Variants in KLF8 observed in about 807,000 individuals in gnomAD.
KLF8 encodes the protein Krueppel-like factor 8.
In KLF8, 10 loss-of-function variants were observed where a neutral mutation model predicts 18.2. That is an observed-to-expected ratio of 0.55 (90% CI 0.34 to 0.93). The LOEUF (loss-of-function observed/expected upper bound fraction) is 0.93. Among genes scored for constraint, KLF8 ranks in the 40% least tolerant of loss-of-function variants. The pLI is 0.02. For missense variants in KLF8, 264 were observed against 277.9 expected (o/e 0.95, Z 0.36); for synonymous variants, 109 against 97.3 (o/e 1.12, Z -0.71).
Position 56,270,237 on chromosome X carries a change from CG to C in KLF8, c.816del (p.Ile273PhefsTer19). 8.4e-7 allele frequency: 1 copy of C among 1,194,752 alleles called. No homozygotes were observed. The highest frequency in any genetic ancestry group is 1.1e-6 in the Non-Finnish European group (1 of 884,925). The stretch of plus-strand genomic sequence containing the variant: ...AGAGTCGCTTGACTTGAAGAGAAGA[CG>C]GATTCACCAATGTGACTTTGCAGGA... ...GEESLDLKRR[R>X]IHQCDFAGCS... On this transcript the variant is annotated frameshift_variant, in exon 5 of 6. Transcript: ENST00000468660. LOFTEE classifies it high-confidence loss of function.
the KLF8 span, among the ~76,000 whole-genome samples, chrX:56,161,639 C>G: frequency 9.0e-6 from 1 of 111,655 alleles, no homozygotes; most frequent in Non-Finnish European, 1.9e-5. Flanking sequence ...AAGCACTTCT[C>G]TGCATTGGTT....
the KLF8 span, among the ~76,000 whole-genome samples, chrX:56,103,678 C>G: frequency 9.0e-6 from 1 of 111,629 alleles, no homozygotes; most frequent in African/African-American, 3.3e-5. Context: ...TTGACTTCCT[C>G]TTTCCCTAAT....
the KLF8 span, among the ~76,000 whole-genome samples, chrX:56,123,766 A>G: frequency 1.4e-4 from 16 of 112,104 alleles, no homozygotes; most frequent in Admixed American, 1.9e-4. Context: ...TTATTTTTCC[A>G]GGGCATTAAT....
At chrX:56,162,727 G>A in the KLF8 span, among the ~76,000 whole-genome samples, 11 of 111,468 alleles carry the variant, frequency 9.9e-5, no homozygotes, top group African/African-American at 3.6e-4. Context: ...TGGGTGAGGT[G>A]ATGCCTCGCC....
chrX:55,939,618 T>A, the KLF8 span, among the ~76,000 whole-genome samples: 3 of 110,745 alleles, frequency 2.7e-5, no homozygotes, highest in African/African-American at 9.9e-5. Flanking sequence ...ACAAAATGGA[T>A]AGACCACTAG....
chrX:56,076,492 AG>A, the KLF8 span, among the ~76,000 whole-genome samples: 24 of 111,335 alleles, frequency 2.2e-4, no homozygotes, highest in Non-Finnish European at 4.1e-4. Flanking sequence ...ATGACTGCAT[AG>A]TATTCCATGG....
the KLF8 span, among the ~76,000 whole-genome samples, chrX:56,171,709 T>C: frequency 8.9e-6 from 1 of 111,862 alleles, no homozygotes; most frequent in Non-Finnish European, 1.9e-5. Context: ...AACTCATCCT[T>C]TTTTATGGCT....
the KLF8 span, among the ~76,000 whole-genome samples, chrX:56,162,758 T>A: frequency 9.0e-6 from 1 of 111,122 alleles, no homozygotes; most frequent in Non-Finnish European, 1.9e-5. Context: ...TCACGCTCCG[T>A]ATGCTGCATC....
In KLF8 at chrX:56,257,958, A is replaced by G. The variant is rs769340441; in HGVS notation, c.82-7222A>G. ...GAGTCAGTTTTAAAAATTGTTCTCA[A>G]TCATTGTTTGGCCCATGGTGTATAA... On this transcript the variant is annotated intron_variant, in intron 2 of 5. Transcript: ENST00000468660. 3.6e-5 allele frequency among the ~76,000 whole-genome samples: 4 copies of G among 112,302 alleles called. No homozygotes were observed. The East Asian group carries it at 8.4e-4, about 24-fold the overall frequency.
chrX:56,205,106 T>C, the KLF8 span, among the ~76,000 whole-genome samples: 1 of 111,088 alleles, frequency 9.0e-6, no homozygotes, highest in African/African-American at 3.3e-5. Flanking sequence ...GCTTGTCATG[T>C]CTGGGGTTCA....
At chrX:56,153,283 C>A in the KLF8 span, among the ~76,000 whole-genome samples, 1 of 109,852 alleles carries the variant, frequency 9.1e-6, no homozygotes. Flanking sequence ...ATCACTTGAG[C>A]TCCAGAGTTT....
chrX:56,112,948 C>T, the KLF8 span, among the ~76,000 whole-genome samples: 80 of 111,211 alleles, frequency 7.2e-4, 1 homozygote, highest in Admixed American at 7.7e-3. Flanking sequence ...CATGGTGGCT[C>T]ATGCCTGTAA....
At chrX:56,029,771 C>A in the KLF8 span, among the ~76,000 whole-genome samples, 1 of 111,811 alleles carries the variant, frequency 8.9e-6, no homozygotes, top group Admixed American at 9.4e-5. Flanking sequence ...CAGACGTGAG[C>A]GATTGGACTG....
intron 5 of KLF8, among the ~76,000 whole-genome samples, chrX:56,283,769 T>C (rs1391360094): frequency 8.9e-6 from 1 of 112,286 alleles, no homozygotes; most frequent in African/African-American, 3.2e-5. Context: ...TATTGGTTGC[T>C]AGCTATCTTT....
At chrX:55,973,858 G>A in the KLF8 span, among the ~76,000 whole-genome samples, 7 of 111,477 alleles carry the variant, frequency 6.3e-5, no homozygotes, top group Non-Finnish European at 1.1e-4. Context: ...AACACGAATT[G>A]TTCTACCATA....
the KLF8 span, among the ~76,000 whole-genome samples, chrX:55,932,710 G>A: frequency 8.9e-6 from 1 of 112,020 alleles, no homozygotes; most frequent in South Asian, 3.8e-4. Flanking sequence ...CTCTCATGTG[G>A]CTTGTAGAGT....
chrX:55,983,561 T>C, the KLF8 span, among the ~76,000 whole-genome samples: 1 of 112,179 alleles, frequency 8.9e-6, no homozygotes, highest in Non-Finnish European at 1.9e-5. Flanking sequence ...ATTACTTTAC[T>C]CCAATTATTT....
the KLF8 span, among the ~76,000 whole-genome samples, chrX:56,077,202 A>T: frequency 5.4e-5 from 6 of 112,032 alleles, no homozygotes; most frequent in Admixed American, 9.5e-5. Flanking sequence ...TGTTTTAGAC[A>T]TGAAGTCCTT....
upstream of KLF8, among the ~76,000 whole-genome samples, chrX:56,227,356 C>CT (rs11343713): frequency 7.6e-4 from 73 of 96,067 alleles, no homozygotes; most frequent in East Asian, 0.018. Context: ...AAGTCTTTTT[C>CT]TTTTTTTTTT....
Sources: gnomAD v4.1 joint callset for allele counts (sites outside exome capture counted in the v4.1 genomes callset) on GRCh38, gnomAD v4.1.1 for gene constraint, MANE v1.5 for transcripts, NCBI Gene and HGNC (gene_info 2026-07-23, HGNC 2026-07-21) for gene names.